RGS9: variants seen among roughly 807,000 people sequenced by gnomAD.
RGS9 encodes regulator of G protein signaling 9.
RGS9 carries 78 observed loss-of-function variants against 102.0 expected under a neutral mutation model. The observed-to-expected ratio is 0.76, with a 90% CI of 0.64 to 0.92. The LOEUF (loss-of-function observed/expected upper bound fraction) is 0.92, where lower values mean the gene tolerates loss of function less well. Among genes scored for constraint, RGS9 ranks in the 40% least tolerant of loss-of-function variants. The probability of loss-of-function intolerance (pLI) is 0.00; values close to 1 mark genes in which losing one functional copy is unlikely to be tolerated. For synonymous variants in RGS9, 353 were observed against 318.6 expected, an observed-to-expected ratio of 1.11 and a Z score of -1.15; for missense variants, 833 against 866.1, an observed-to-expected ratio of 0.96 and a Z score of 0.48.
chr17:65,179,636 TGTG>T (rs1225364989), intron 9 of RGS9, among the ~76,000 whole-genome samples: 2 of 29,908 alleles, frequency 6.7e-5, no homozygotes, highest in Non-Finnish European at 1.2e-4. Context: ...ACTGCTCAGC[TGTG>T]TGTGTGTGTG....
intron 8 of RGS9, among the ~76,000 whole-genome samples, chr17:65,175,083 ATG>A (rs113500448): frequency 0.034 from 5,134 of 148,812 alleles, 157 homozygotes; most frequent in African/African-American, 0.08. Flanking sequence ...AACCATATTA[ATG>A]TGTGTGTGTG....
In RGS9 at chr17:65,225,145, C is replaced by T; in HGVS notation, c.1551C>T (p.Pro517=). The stretch of plus-strand genomic sequence containing the variant: ...CACCCAGCCGCTTCATCCGGCGACC[C>T]AGCACCACCATCTGCCCCTCACCCA... ...FASPSRFIRR[P]STTICPSPIR... Residue 517 remains proline, a synonymous_variant, in exon 18 of 19, where the codon CCC becomes CCT. Transcript: ENST00000262406. 6.2e-7 allele frequency: 1 copy of T among 1,613,814 alleles called. No individual in the cohort carries two copies. The highest frequency in any genetic ancestry group is 8.5e-7 in the Non-Finnish European group (1 of 1,180,042).
At chr17:65,144,652 C>A (rs1324049094) in intron 1 of RGS9, among the ~76,000 whole-genome samples, 1 of 152,110 alleles carries the variant, frequency 6.6e-6, no homozygotes, top group East Asian at 1.9e-4. Flanking sequence ...GGTGAGCATG[C>A]CCCCAAGGAC....
At chr17:65,161,710 ATTTAT>A (rs1275155780) in intron 6 of RGS9, among the ~76,000 whole-genome samples, 1 of 132,938 alleles carries the variant, frequency 7.5e-6, no homozygotes, top group East Asian at 2.0e-4. Flanking sequence ...TTATTTATAT[ATTTAT>A]TTATTTATTT....
chr17:65,150,100 T>A (rs1375228000), intron 1 of RGS9, among the ~76,000 whole-genome samples: 1 of 152,150 alleles, frequency 6.6e-6, no homozygotes, highest in Admixed American at 6.5e-5. Flanking sequence ...ATGGCGGGAA[T>A]GTGGACAGAC....
chr17:65,214,771 C>T (rs1167324951), intron 17 of RGS9, among the ~76,000 whole-genome samples: 1 of 152,246 alleles, frequency 6.6e-6, no homozygotes, highest in African/African-American at 2.4e-5. Flanking sequence ...ATTTGGTGGC[C>T]CTGAGCACAG....
At chr17:65,186,132 G>A (rs1382600300) in intron 9 of RGS9, among the ~76,000 whole-genome samples, 3 of 151,854 alleles carry the variant, frequency 2.0e-5, no homozygotes, top group Admixed American at 6.6e-5. Flanking sequence ...TTTGTCTTGC[G>A]TTACGGCTCT....
chr17:65,224,881 C>T, intron 17 of RGS9, 121 bp from the exon 18 acceptor site: 1 of 1,345,014 alleles, frequency 7.4e-7, no homozygotes, highest in East Asian at 2.3e-5. Context: ...TAGGAGGCAG[C>T]CATATCAGGC....
chr17:65,181,064 T>C (rs1911867317), intron 9 of RGS9, among the ~76,000 whole-genome samples: 1 of 152,234 alleles, frequency 6.6e-6, no homozygotes, highest in South Asian at 2.1e-4. Context: ...GGCATTTAGG[T>C]TGATCCCATG....
chr17:65,150,998 G>T (rs903399831), intron 1 of RGS9, among the ~76,000 whole-genome samples: 1 of 152,114 alleles, frequency 6.6e-6, no homozygotes, highest in Admixed American at 6.5e-5. Flanking sequence ...AAACACCTGG[G>T]TTTTCTCTAG....
chr17:65,199,365 T>C (rs543624554), intron 13 of RGS9, among the ~76,000 whole-genome samples: 1 of 152,280 alleles, frequency 6.6e-6, no homozygotes, highest in African/African-American at 2.4e-5. Context: ...CCCCTACGGA[T>C]TCACCTCTTC....
chr17:65,216,564 G>A (rs1438906197), intron 17 of RGS9, among the ~76,000 whole-genome samples: 1 of 152,208 alleles, frequency 6.6e-6, no homozygotes, highest in East Asian at 1.9e-4. Flanking sequence ...TTGAACCCGG[G>A]AGGCAGAAGT....
chr17:65,182,677 G>A (rs1265630762), intron 9 of RGS9, among the ~76,000 whole-genome samples: 1 of 152,164 alleles, frequency 6.6e-6, no homozygotes, highest in Admixed American at 6.5e-5. Context: ...TGCCCAAGGT[G>A]ACCCAGCCAG....
At position 65,225,127 on chromosome 17, in the gene RGS9, C is replaced by T. The variant is rs776630747; in HGVS notation, c.1533C>T (p.Ser511=). 1.9e-5 allele frequency: 30 copies of T among 1,613,822 alleles called. 1 individual carries two copies. The South Asian group carries it at 3.3e-4, about 18-fold the overall frequency. The change falls in exon 18 of 19, where the codon AGC becomes AGT. Residue 511 remains serine (S), a synonymous_variant. Transcript: ENST00000262406. ...RSPRKPFASP[S]RFIRRPSTTI... ...CCAGGAAGCCTTTCGCCTCACCCAG[C>T]CGCTTCATCCGGCGACCCAGCACCA...
chr17:65,174,451 G>C (rs768171708), intron 8 of RGS9, among the ~76,000 whole-genome samples: 2 of 151,598 alleles, frequency 1.3e-5, no homozygotes, highest in Non-Finnish European at 2.9e-5. Context: ...GTACATGTGT[G>C]CATGTGTGTG....
At chr17:65,202,761 G>A (rs1912906603) in intron 14 of RGS9, among the ~76,000 whole-genome samples, 1 of 152,094 alleles carries the variant, frequency 6.6e-6, no homozygotes, top group Non-Finnish European at 1.5e-5. Flanking sequence ...CAGGTGGAGA[G>A]GGAGGGGAAG....
intron 7 of RGS9, among the ~76,000 whole-genome samples, chr17:65,167,746 G>GCCC (rs1911247783): frequency 6.6e-6 from 1 of 152,180 alleles, no homozygotes; most frequent in African/African-American, 2.4e-5. Context: ...TCACCCATGC[G>GCCC]CGCTGCTCTC....
intron 13 of RGS9, among the ~76,000 whole-genome samples, chr17:65,201,271 AC>A (rs1264721208): frequency 6.6e-6 from 1 of 152,156 alleles, no homozygotes; most frequent in Non-Finnish European, 1.5e-5. Context: ...ATTTGGGGGA[AC>A]CTGGCTTTTC....
intron 1 of RGS9, among the ~76,000 whole-genome samples, chr17:65,141,285 A>T (rs1010187275): frequency 1.3e-5 from 2 of 152,140 alleles, no homozygotes; most frequent in African/African-American, 4.8e-5. Context: ...TCCAGCACCC[A>T]TGGACTCTTG....
Sources: allele counts gnomAD v4.1 joint callset (sites outside exome capture counted in the v4.1 genomes callset), GRCh38; gene constraint gnomAD v4.1.1; transcripts MANE v1.5; gene names NCBI Gene and HGNC (gene_info 2026-07-23, HGNC 2026-07-21).